Variants in DLX2 observed in about 807,000 individuals in gnomAD.
The protein encoded by DLX2 is homeobox protein DLX-2.
DLX2 carries 8 observed loss-of-function variants against 27.4 expected under a neutral mutation model. That is an observed-to-expected ratio of 0.29 (90% CI 0.17 to 0.53). The LOEUF (loss-of-function observed/expected upper bound fraction) is 0.53, where lower values mean the gene tolerates loss of function less well. DLX2 is among the 20% of genes least tolerant of loss of function. The pLI is 0.96. For synonymous variants in DLX2, 210 were observed against 200.8 expected (o/e 1.05, Z -0.39); for missense variants, 421 against 450.9 (o/e 0.93, Z 0.60).
Position 172,102,205 on chromosome 2 carries a change from A to G in DLX2, c.334T>C (p.Tyr112His). 6.2e-7 allele frequency: 1 copy of G among 1,612,974 alleles called. No individual in the cohort carries two copies. ...GCGTAGGAGGTGTAGGCGGCGGTGTAGCCCAGGTCATAGCTGCTCTTGGCG... is the reference window on the plus strand; with the variant it reads ...GCGTAGGAGGTGTAGGCGGCGGTGTGGCCCAGGTCATAGCTGCTCTTGGCG... The part of the protein sequence containing the change: ...YSAKSSYDLG[Y>H]TAAYTSYAPY... Residue 112 changes from tyrosine to histidine, a missense_variant, in exon 1 of 3, where the codon TAC (tyrosine) becomes CAC (histidine). This residue lies in a region of DLX2 where 141 missense variants were observed against 123.5 expected (regional missense o/e 1.14). Transcript: ENST00000234198.
Position 172,100,335 on chromosome 2 carries a change from C to G in DLX2, c.*208G>C. 2.0e-6 allele frequency: 1 copy of G among 500,922 alleles called. No individual in the cohort carries two copies. The highest frequency in any genetic ancestry group is 4.2e-5 in the Admixed American group (1 of 23,624). 31.0% of individuals were successfully genotyped at this position (500,922 alleles called of 1,614,324 possible). Reference sequence around the variant, plus strand: ...CAGAAATGCGGCCTTTTAGGGAGGCCTTTGCCAAGCTGCTGTCCGGTTCCC... The same window carrying G: ...CAGAAATGCGGCCTTTTAGGGAGGCGTTTGCCAAGCTGCTGTCCGGTTCCC... On this transcript the variant is annotated 3_prime_UTR_variant, in exon 3 of 3. Transcript: ENST00000234198. The surrounding 1 kb of genome is among the most constrained non-coding windows in gnomAD (Gnocchi z 4.5).
intron 1 of DLX2, among the ~76,000 whole-genome samples, chr2:172,101,912 C>A (rs574893991): frequency 6.6e-6 from 1 of 152,366 alleles, no homozygotes; most frequent in African/African-American, 2.4e-5. Flanking sequence ...GCAGGCAGAG[C>A]ACGCCCACTT....
At position 172,102,122 on chromosome 2, in the gene DLX2, T is replaced by C. The variant is rs746373675; in HGVS notation, c.400+17A>G. 17 of 1,608,994 alleles carry C rather than the reference T, an allele frequency of 1.1e-5. No homozygotes were observed. Among genetic ancestry groups the C allele is most frequent in the Non-Finnish European group, 2.5e-6 (3 of 1,177,336 alleles). ...ACTAGACCGACTCGGCACTCTTGAC[T>C]TCAGCGTTATGCATACCAGGCTCGT... On this transcript the variant is annotated intron_variant, in intron 1 of 2. Coordinates refer to ENST00000234198, the MANE Select transcript of DLX2 (RefSeq NM_004405.4).
In DLX2 at chr2:172,102,214, C is replaced by G. The variant is rs1015299543; in HGVS notation, c.325G>C (p.Asp109His). 2.5e-6 allele frequency: 4 copies of G among 1,614,092 alleles called. No individual in the cohort carries two copies. The highest frequency in any genetic ancestry group is 3.4e-6 in the Non-Finnish European group (4 of 1,180,044). ...GTGTAGGCGGCGGTGTAGCCCAGGT[C>G]ATAGCTGCTCTTGGCGGAGTAAGGG... ...NVPYSAKSSY[D>H]LGYTAAYTSY... The change falls in exon 1 of 3, where the codon GAC becomes CAC. Residue 109 changes from aspartate to histidine, a missense_variant. By Grantham distance (81) the Asp-to-His change is moderately conservative. This residue lies in a region of DLX2 where 141 missense variants were observed against 123.5 expected (regional missense o/e 1.14). Coordinates refer to ENST00000234198, the MANE Select transcript of DLX2 (RefSeq NM_004405.4).
Position 172,099,801 on chromosome 2 carries a change from A to T in DLX2, c.*742T>A, listed in dbSNP as rs868167412. ...AGGCTAATAATCCTGAATAGGTTTT[A>T]AAAAAGATAATTTAAACACATTTTT... On this transcript the variant is annotated 3_prime_UTR_variant, in exon 3 of 3. Coordinates refer to ENST00000234198, the MANE Select transcript of DLX2 (RefSeq NM_004405.4). The T allele has an allele frequency of 3.9e-5, 6 of 152,644 alleles. No homozygotes were observed. Among genetic ancestry groups the T allele is most frequent in the Admixed American group, 1.3e-4 (2 of 15,286 alleles). The allele number at this position is 152,644 out of a possible 1,614,324, so 9.5% of individuals were successfully genotyped here. A position where few individuals can be genotyped will look rare whatever the true frequency, so the allele number is the denominator to read the frequency against.
Position 172,102,194 on chromosome 2 carries a change from G to A in DLX2, c.345C>T (p.Ala115=), listed in dbSNP as rs758850683. Residue 115 remains alanine, a synonymous_variant, in exon 1 of 3, where the codon GCC becomes GCT. Transcript: ENST00000234198. The part of the protein sequence containing the change: ...KSSYDLGYTA[A]YTSYAPYGTS... ...TTCCATAGGGAGCGTAGGAGGTGTA[G>A]GCGGCGGTGTAGCCCAGGTCATAGC... The A allele has an allele frequency of 6.2e-7, 1 of 1,614,176 alleles. No homozygotes were observed. The highest frequency in any genetic ancestry group is 1.1e-5 in the South Asian group (1 of 91,084).
At position 172,100,271 on chromosome 2, in the gene DLX2, G is replaced by T. The variant is rs1691128387; in HGVS notation, c.*272C>A. The stretch of plus-strand genomic sequence containing the variant: ...CCCGGAGGGGAGGGAAGGCAAGTCC[G>T]AGGCGGGGCTCGAAACAGCCGAGAC... On this transcript the variant is annotated 3_prime_UTR_variant, in exon 3 of 3. Transcript: ENST00000234198. The surrounding 1 kb of genome is among the most constrained non-coding windows in gnomAD (Gnocchi z 4.5). The T allele has an allele frequency of 5.3e-6, 2 of 377,524 alleles. No homozygotes were observed. The highest frequency in any genetic ancestry group is 9.4e-6 in the Non-Finnish European group (2 of 213,216). The allele number at this position is 377,524 out of a possible 1,614,324, so 23.4% of individuals were successfully genotyped here.
rs1691130928 is a variant in DLX2, at chr2:172,100,434, C to G, written c.*109G>C. ...ACGGGCCACTGCAGGTCGCAGCCTG[C>G]AGGAGAGGTGGGTGGCGGCAGCGGG... On this transcript the variant is annotated 3_prime_UTR_variant, in exon 3 of 3. Coordinates refer to ENST00000234198, the MANE Select transcript of DLX2 (RefSeq NM_004405.4). The surrounding 1 kb of genome is among the most constrained non-coding windows in gnomAD (Gnocchi z 4.5). The G allele has an allele frequency of 7.9e-7, 1 of 1,272,362 alleles. No individual in the cohort carries two copies. The highest frequency in any genetic ancestry group is 1.5e-5 in the South Asian group (1 of 64,922). 78.8% of individuals were successfully genotyped at this position (1,272,362 alleles called of 1,614,324 possible). A position where few individuals can be genotyped will look rare whatever the true frequency, so the allele number is the denominator to read the frequency against.
chr2:172,102,253 C>T lies in DLX2; in HGVS notation c.286G>A (p.Gly96Ser). 2 of 1,614,156 alleles carry T rather than the reference C, an allele frequency of 1.2e-6. No homozygotes were observed. Among genetic ancestry groups the T allele is most frequent in the Non-Finnish European group, 1.7e-6 (2 of 1,179,996 alleles). Reference sequence around the variant, plus strand: ...GCGGAGTAAGGGACGTTGTTGAGGCCGCTGGCTTGGTACTGGTAGGAACCC... The same window carrying T: ...GCGGAGTAAGGGACGTTGTTGAGGCTGCTGGCTTGGTACTGGTAGGAACCC... ...HMGSYQYQAS[G>S]LNNVPYSAKS... The change falls in exon 1 of 3, where the codon GGC becomes AGC. Residue 96 changes from glycine (G) to serine (S), a missense_variant. Gly to Ser is a moderately conservative substitution (Grantham distance 56, BLOSUM62 0). This residue lies in a region of DLX2 where 141 missense variants were observed against 123.5 expected (regional missense o/e 1.14). Transcript: ENST00000234198.
At position 172,102,650 on chromosome 2, in the gene DLX2, T is replaced by C; in HGVS notation, c.-112A>G. On this transcript the variant is annotated 5_prime_UTR_variant, in exon 1 of 3. Coordinates refer to ENST00000234198, the MANE Select transcript of DLX2 (RefSeq NM_004405.4). ...GCCAATGTAATTACGGGGGTGGTGG[T>C]GGGGAAACAAGAAAGGAGGCAACCG... is the stretch of plus-strand genomic sequence containing the variant. 1.7e-6 allele frequency: 2 copies of C among 1,148,614 alleles called. No homozygotes were observed. The highest frequency in any genetic ancestry group is 2.4e-6 in the Non-Finnish European group (2 of 832,406). 71.2% of individuals were successfully genotyped at this position (1,148,614 alleles called of 1,614,324 possible).
At position 172,100,529 on chromosome 2, in the gene DLX2, A is replaced by G. The variant is rs1354639747; in HGVS notation, c.*14T>C. 2 of 1,552,598 alleles carry G rather than the reference A, an allele frequency of 1.3e-6. No homozygotes were observed. The highest frequency in any genetic ancestry group is 1.7e-6 in the Non-Finnish European group (2 of 1,155,738). ...TGGTCTCTGCTCTCAGTCTCTGGCG[A>G]GTTCTCCCTGGGGTTAGAAAATCGT... On this transcript the variant is annotated 3_prime_UTR_variant, in exon 3 of 3. Coordinates refer to ENST00000234198, the MANE Select transcript of DLX2 (RefSeq NM_004405.4). The surrounding 1 kb of genome is among the most constrained non-coding windows in gnomAD (Gnocchi z 4.5).
rs750201355 is a variant in DLX2 at position 172,101,653 on chromosome 2, C to G, written c.401-7G>C. The G allele has an allele frequency of 2.5e-6, 4 of 1,613,496 alleles. No homozygotes were observed. The highest frequency in any genetic ancestry group is 1.3e-5 in the African/African-American group (1 of 74,898). On this transcript the variant is annotated splice_polypyrimidine_tract_variant and splice_region_variant and intron_variant, in intron 1 of 2. Coordinates refer to ENST00000234198, the MANE Select transcript of DLX2 (RefSeq NM_004405.4). The stretch of plus-strand genomic sequence containing the variant: ...GGCTCAAGGTCCTCCTTCTCTGCAA[C>G]GATAAAGAATCGTAAGAACAGCGCA...
chr2:172,100,350 G>C lies in DLX2; in HGVS notation c.*193C>G. On this transcript the variant is annotated 3_prime_UTR_variant, in exon 3 of 3. Coordinates refer to ENST00000234198, the MANE Select transcript of DLX2 (RefSeq NM_004405.4). The surrounding 1 kb of genome is among the most constrained non-coding windows in gnomAD (Gnocchi z 4.5). ...TTAGGGAGGCCTTTGCCAAGCTGCT[G>C]TCCGGTTCCCCCGAGAGAGGGGCCC... is the stretch of plus-strand genomic sequence containing the variant. 3.7e-6 allele frequency: 2 copies of C among 544,776 alleles called. No homozygotes were observed. The highest frequency in any genetic ancestry group is 6.0e-6 in the Non-Finnish European group (2 of 332,210). 33.7% of individuals were successfully genotyped at this position (544,776 alleles called of 1,614,324 possible).
chr2:172,101,728 A>C, intron 1 of DLX2, 82 bp from the exon 2 acceptor site: 1 of 1,455,890 alleles, frequency 6.9e-7, no homozygotes, highest in East Asian at 2.3e-5. Context: ...GGCGGGGGGG[A>C]CTTGGCTTGA....
In DLX2 at chr2:172,102,581, G is replaced by A. The variant is rs1260226772; in HGVS notation, c.-43C>T. 2.7e-6 allele frequency: 4 copies of A among 1,466,842 alleles called. No individual in the cohort carries two copies. The highest frequency in any genetic ancestry group is 3.6e-6 in the Non-Finnish European group (4 of 1,108,842). The allele number at this position is 1,466,842 out of a possible 1,614,324, so 90.9% of individuals were successfully genotyped here. ...AAGAGCAGAGGTGGCGGGCGTGCGG[G>A]GGAAGCCAGGCGCCTCCTCTGTCTC... is the stretch of plus-strand genomic sequence containing the variant. On this transcript the variant is annotated 5_prime_UTR_variant, in exon 1 of 3. Transcript: ENST00000234198.
chr2:172,100,709 G>A lies in DLX2; in HGVS notation c.821C>T (p.Ser274Leu), dbSNP rs779581708. The A allele has an allele frequency of 6.8e-5, 105 of 1,533,854 alleles. No homozygotes were observed. Among genetic ancestry groups the A allele is most frequent in the Non-Finnish European group, 8.4e-5 (97 of 1,151,052 alleles). The change falls in exon 3 of 3, where the codon TCG becomes TTG. Residue 274 changes from serine to leucine, a missense_variant. Physicochemically the swap from Ser to Leu is moderately radical, Grantham distance 145. This residue lies in a region of DLX2 where 185 missense variants were observed against 171.1 expected (regional missense o/e 1.08). Transcript: ENST00000234198. The surrounding 1 kb of genome is among the most constrained non-coding windows in gnomAD (Gnocchi z 4.5). ...SSGSSPSSAA[S>L]AFLGNYPWYH... The stretch of plus-strand genomic sequence containing the variant: ...CCAGGGGTAGTTGCCCAGAAAAGCC[G>A]AGGCCGCGCTGCTCGGGCTGGAGCC...
At position 172,102,317 on chromosome 2, in the gene DLX2, C is replaced by A. The variant is rs755789018; in HGVS notation, c.222G>T (p.Ala74=). 6.2e-7 allele frequency: 1 copy of A among 1,608,224 alleles called. No homozygotes were observed. Among genetic ancestry groups the A allele is most frequent in the African/African-American group, 1.3e-5 (1 of 74,716 alleles). ...SSYYTNQQHP[A]GGGGGGGSPY... is the part of the protein sequence containing the mutation. ...GCGAGCCCCCGCCGCCGCCGCCGCC[C>A]GCCGGGTGCTGCTGGTTGGTGTAGT... Residue 74 remains alanine, a synonymous_variant, in exon 1 of 3, where the codon GCG becomes GCT. Coordinates refer to ENST00000234198, the MANE Select transcript of DLX2 (RefSeq NM_004405.4).
rs1452039044 is a variant in DLX2 at position 172,099,734 on chromosome 2, T to A, written c.*809A>T. On this transcript the variant is annotated 3_prime_UTR_variant, in exon 3 of 3. Coordinates refer to ENST00000234198, the MANE Select transcript of DLX2 (RefSeq NM_004405.4). Reference sequence around the variant, plus strand: ...TTATACAAATAAATCAGTGGGAAAATCTGCACAGACACCTTTATTTACAAA... The same window carrying A: ...TTATACAAATAAATCAGTGGGAAAAACTGCACAGACACCTTTATTTACAAA... The A allele has an allele frequency of 3.3e-5, 5 of 152,508 alleles. No individual in the cohort carries two copies. Among genetic ancestry groups the A allele is most frequent in the Non-Finnish European group, 5.9e-5 (4 of 68,026 alleles). The allele number at this position is 152,508 out of a possible 1,614,324, so 9.4% of individuals were successfully genotyped here. A position where few individuals can be genotyped will look rare whatever the true frequency, so the allele number is the denominator to read the frequency against.
intron 2 of DLX2, 183 bp downstream of exon 2, chr2:172,101,278 AC>A (rs1691152391): frequency 1.4e-6 from 1 of 696,550 alleles, no homozygotes; most frequent in South Asian, 2.0e-5. Flanking sequence ...CTTCCCTCCC[AC>A]GGCGGCCCCT....
Sources: allele counts gnomAD v4.1 joint callset (sites outside exome capture counted in the v4.1 genomes callset), GRCh38; gene constraint gnomAD v4.1.1; regional missense constraint gnomAD v4.1.1; non-coding constraint Gnocchi (gnomAD v3.1); transcripts MANE v1.5; gene names NCBI Gene and HGNC (gene_info 2026-07-23, HGNC 2026-07-21).